Variants in DCLK2 observed in about 807,000 individuals in gnomAD.
The protein encoded by DCLK2 is doublecortin like kinase 2.
In DCLK2, 31 loss-of-function variants were observed where a neutral mutation model predicts 78.4. The observed-to-expected ratio is 0.40, with a 90% CI of 0.30 to 0.53. The LOEUF (loss-of-function observed/expected upper bound fraction) is 0.53. DCLK2 is among the 20% of genes least tolerant of loss of function. The pLI, the probability that DCLK2 is intolerant of heterozygous loss-of-function variation, is 0.61. For missense variants in DCLK2, 872 were observed against 973.7 expected (o/e 0.90, Z 1.39); for synonymous variants, 407 against 374.9 (o/e 1.09, Z -0.99).
chr4:150,250,384 G>C (rs897699275), intron 15 of DCLK2, among the ~76,000 whole-genome samples: 1 of 152,218 alleles, frequency 6.6e-6, no homozygotes, highest in East Asian at 1.9e-4. Flanking sequence ...AACCAGAGGT[G>C]AGGGCAGCAC....
intron 1 of DCLK2, among the ~76,000 whole-genome samples, chr4:150,081,823 C>G (rs1729312503): frequency 1.0e-5 from 1 of 96,018 alleles, no homozygotes; most frequent in Non-Finnish European, 2.5e-5. Context: ...GAAACCCCAT[C>G]TCTACTTAAA....
chr4:150,235,050 G>T (rs904463267), intron 10 of DCLK2, among the ~76,000 whole-genome samples: 1 of 152,116 alleles, frequency 6.6e-6, no homozygotes, highest in East Asian at 1.9e-4. Context: ...AACCTGCCTT[G>T]CCCCACTGGC....
At chr4:150,093,890 G>A (rs1326622660) in intron 1 of DCLK2, among the ~76,000 whole-genome samples, 2 of 152,112 alleles carry the variant, frequency 1.3e-5, no homozygotes, top group African/African-American at 4.8e-5. Flanking sequence ...AGAACCAAGA[G>A]CTTAGAAATA....
rs115071270 is a variant in DCLK2, at chr4:150,085,515, G to A, written c.421+6067G>A. 1.8e-3 allele frequency among the ~76,000 whole-genome samples: 276 copies of A among 152,154 alleles called. 2 individuals are homozygous for A. The highest frequency in any genetic ancestry group is 6.6e-3 in the African/African-American group (274 of 41,510). On this transcript the variant is annotated intron_variant, in intron 1 of 15. Transcript: ENST00000296550. ...GCTTTAATCCATTCTTGAGGGTGGT[G>A]CCCTCATGATCTAATCACCTCTTCA...
At chr4:150,084,716 A>G (rs1196440503) in intron 1 of DCLK2, among the ~76,000 whole-genome samples, 1 of 152,198 alleles carries the variant, frequency 6.6e-6, no homozygotes, top group Non-Finnish European at 1.5e-5. Flanking sequence ...GGATATTTTT[A>G]TGGTCCTGTA....
intron 2 of DCLK2, among the ~76,000 whole-genome samples, chr4:150,126,417 A>T (rs2150189888): frequency 6.6e-6 from 1 of 152,324 alleles, no homozygotes; most frequent in Non-Finnish European, 1.5e-5. Context: ...GTGATGCAAG[A>T]GACTGTGGTC....
At chr4:150,090,458 T>C (rs1301426883) in intron 1 of DCLK2, among the ~76,000 whole-genome samples, 2 of 151,946 alleles carry the variant, frequency 1.3e-5, no homozygotes, top group African/African-American at 4.8e-5. Flanking sequence ...AAACGCACAA[T>C]GAAAATTCCC....
At chr4:150,136,178 G>T (rs562717393) in intron 2 of DCLK2, among the ~76,000 whole-genome samples, 1 of 152,204 alleles carries the variant, frequency 6.6e-6, no homozygotes, top group South Asian at 2.1e-4. Flanking sequence ...AATTCCAGAG[G>T]TTGATGTATG....
intron 1 of DCLK2, among the ~76,000 whole-genome samples, chr4:150,084,737 A>G (rs554907205): frequency 7.9e-5 from 12 of 152,316 alleles, no homozygotes; most frequent in Non-Finnish European, 1.8e-4. Context: ...ATATGAAATA[A>G]AGGAAACCAG....
chr4:150,179,353 A>G (rs930929240), intron 2 of DCLK2, among the ~76,000 whole-genome samples: 1 of 152,132 alleles, frequency 6.6e-6, no homozygotes, highest in East Asian at 1.9e-4. Flanking sequence ...AATAGTGATG[A>G]TTTTCCTAGA....
intron 2 of DCLK2, among the ~76,000 whole-genome samples, chr4:150,121,127 T>G (rs1229579206): frequency 2.2e-5 from 3 of 135,710 alleles, no homozygotes; most frequent in African/African-American, 8.6e-5. Context: ...TTTGCTGGTA[T>G]AGGGTCTTGC....
At chr4:150,116,825 A>G (rs1042436283) in intron 2 of DCLK2, among the ~76,000 whole-genome samples, 1 of 152,012 alleles carries the variant, frequency 6.6e-6, no homozygotes, top group Non-Finnish European at 1.5e-5. Flanking sequence ...TTACACATAC[A>G]TTTTTCCCTT....
intron 2 of DCLK2, among the ~76,000 whole-genome samples, chr4:150,152,174 T>C (rs1001743709): frequency 1.3e-5 from 2 of 152,246 alleles, no homozygotes; most frequent in South Asian, 4.1e-4. Context: ...TCTGCAAGAT[T>C]TGGATCCCAT....
At chr4:150,194,028 C>CGG (rs1738674611) in intron 3 of DCLK2, among the ~76,000 whole-genome samples, 3 of 25,422 alleles carry the variant, frequency 1.2e-4, no homozygotes, top group African/African-American at 1.8e-4. Context: ...CTGGGACACA[C>CGG]ACACACACAC....
rs1744566374 is a variant in DCLK2 at position 150,256,313 on chromosome 4, CGGCCTCCCTGCTGCA to C, written c.*76_*90del. 14 of 1,443,210 alleles carry C rather than the reference CGGCCTCCCTGCTGCA, an allele frequency of 9.7e-6. 1 individual carries two copies. Among genetic ancestry groups the C allele is most frequent in the Middle Eastern group, 2.5e-4 (1 of 3,924 alleles). The allele number at this position is 1,443,210 out of a possible 1,614,324, so 89.4% of individuals were successfully genotyped here. On this transcript the variant is annotated 3_prime_UTR_variant, in exon 16 of 16. Coordinates refer to ENST00000296550, the MANE Select transcript of DCLK2 (RefSeq NM_001040260.4). ...AAGCCAGCCCTCTGCTCGGCCTCGC[CGGCCTCCCTGCTGCA>C]GGCCTCCCTCTCTTCACCGCCTGCG...
chr4:150,085,880 T>G (rs1429452285), intron 1 of DCLK2, among the ~76,000 whole-genome samples: 1 of 152,230 alleles, frequency 6.6e-6, no homozygotes, highest in African/African-American at 2.4e-5. Flanking sequence ...TTGAACGGAC[T>G]AATACAGTCT....
At chr4:150,135,554 T>G (rs1309057432) in intron 2 of DCLK2, among the ~76,000 whole-genome samples, 1 of 152,132 alleles carries the variant, frequency 6.6e-6, no homozygotes, top group Non-Finnish European at 1.5e-5. Flanking sequence ...ATACAACGTG[T>G]GATAGGTGTT....
chr4:150,256,514 G>A lies in DCLK2; in HGVS notation c.*267G>A, dbSNP rs751934978. 3.5e-5 allele frequency: 15 copies of A among 428,724 alleles called. No homozygotes were observed. The highest frequency in any genetic ancestry group is 2.0e-4 in the Admixed American group (5 of 24,670). 26.6% of individuals were successfully genotyped at this position (428,724 alleles called of 1,614,324 possible). A position where few individuals can be genotyped will look rare whatever the true frequency, so the allele number is the denominator to read the frequency against. On this transcript the variant is annotated 3_prime_UTR_variant, in exon 16 of 16. Transcript: ENST00000296550. Reference sequence around the variant, plus strand: ...GGAGAGACTCGTTCCAGATCATCCCGTCATTTTCAGTTTGTTGGACATTTT... The same window carrying A: ...GGAGAGACTCGTTCCAGATCATCCCATCATTTTCAGTTTGTTGGACATTTT...
rs144636330 is a variant in DCLK2 at position 150,235,857 on chromosome 4, G to A, written c.1566+3029G>A. On this transcript the variant is annotated intron_variant, in intron 10 of 15. Coordinates refer to ENST00000296550, the MANE Select transcript of DCLK2 (RefSeq NM_001040260.4). ...TGATTTGCATCCCGCTCTCCGGTAA[G>A]CAGCATCATAATTTAAAACCCTGCC... 2.6e-5 allele frequency among the ~76,000 whole-genome samples: 4 copies of A among 152,312 alleles called. No homozygotes were observed. The East Asian group carries it at 7.7e-4, about 29-fold the overall frequency.
Sources: allele counts gnomAD v4.1 joint callset (sites outside exome capture counted in the v4.1 genomes callset), GRCh38; gene constraint gnomAD v4.1.1; transcripts MANE v1.5; gene names NCBI Gene and HGNC (gene_info 2026-07-23, HGNC 2026-07-21).